Variants in ZNF438 observed in about 807,000 individuals in gnomAD.
The protein encoded by ZNF438 is zinc finger protein 438.
In ZNF438, 25 loss-of-function variants were observed where a neutral mutation model predicts 38.0. The ratio of observed to expected loss-of-function variants is 0.66; its 90% CI spans 0.48 to 0.92. The LOEUF is 0.92. Among genes scored for constraint, ZNF438 ranks in the 40% least tolerant of loss-of-function variants. The probability of loss-of-function intolerance (pLI) is 0.00; values close to 1 mark genes in which losing one functional copy is unlikely to be tolerated. For synonymous variants in ZNF438, 372 were observed against 364.1 expected, an observed-to-expected ratio of 1.02 and a Z score of -0.25; for missense variants, 1,007 against 999.6, an observed-to-expected ratio of 1.01 and a Z score of -0.10.
chr10:30,855,611 C>A (rs563748807), intron 4 of ZNF438, among the ~76,000 whole-genome samples: 154 of 152,242 alleles, frequency 1.0e-3, no homozygotes, highest in African/African-American at 3.5e-3. Flanking sequence ...GACAGCAAGG[C>A]CACAGAAACA....
intron 1 of ZNF438, among the ~76,000 whole-genome samples, chr10:31,029,783 T>G (rs1383666481): frequency 1.3e-5 from 2 of 152,244 alleles, no homozygotes; most frequent in African/African-American, 2.4e-5. Context: ...CCCCACGGCC[T>G]GCCTGGCCCT....
chr10:30,893,499 A>G (rs78642137), intron 3 of ZNF438, among the ~76,000 whole-genome samples: 4 of 152,250 alleles, frequency 2.6e-5, no homozygotes, highest in Non-Finnish European at 5.9e-5. Flanking sequence ...TAATTGAAAA[A>G]GTCAAACCAC....
At chr10:30,959,965 C>T (rs2049290537) in intron 1 of ZNF438, among the ~76,000 whole-genome samples, 2 of 147,036 alleles carry the variant, frequency 1.4e-5, no homozygotes, top group Admixed American at 6.8e-5. Flanking sequence ...TTATTACAGC[C>T]ATCCTAGGGG....
At chr10:30,929,005 T>C (rs2045300999) in intron 2 of ZNF438, among the ~76,000 whole-genome samples, 1 of 152,202 alleles carries the variant, frequency 6.6e-6, no homozygotes. Flanking sequence ...TCAGATTTTA[T>C]GGTTTAAGGT....
chr10:30,911,022 A>G (rs901667317), intron 2 of ZNF438, among the ~76,000 whole-genome samples: 2 of 152,174 alleles, frequency 1.3e-5, no homozygotes, highest in African/African-American at 4.8e-5. Flanking sequence ...TGTTTCGTTT[A>G]TGATTCACAC....
intron 3 of ZNF438, among the ~76,000 whole-genome samples, chr10:30,903,124 G>T (rs536747838): frequency 1.2e-4 from 18 of 152,196 alleles, no homozygotes; most frequent in Non-Finnish European, 2.2e-4. Context: ...CGCCCACCCG[G>T]AACTCTAGCT....
At chr10:30,957,275 T>C (rs570153778) in intron 1 of ZNF438, among the ~76,000 whole-genome samples, 1 of 152,370 alleles carries the variant, frequency 6.6e-6, no homozygotes, top group African/African-American at 2.4e-5. Context: ...TCAGATTCCT[T>C]ACACATTCTG....
intron 1 of ZNF438, among the ~76,000 whole-genome samples, chr10:31,028,857 G>A (rs2057106764): frequency 6.6e-6 from 1 of 152,130 alleles, no homozygotes; most frequent in Non-Finnish European, 1.5e-5. Context: ...AACCTACAGT[G>A]GGGAATACCA....
chr10:30,933,896 C>T (rs1443108597), intron 2 of ZNF438, among the ~76,000 whole-genome samples: 1 of 152,078 alleles, frequency 6.6e-6, no homozygotes, highest in Non-Finnish European at 1.5e-5. Context: ...CCTGTAATCC[C>T]AACACTTTGG....
chr10:31,026,931 T>C (rs1194471175), intron 1 of ZNF438, among the ~76,000 whole-genome samples: 1 of 152,242 alleles, frequency 6.6e-6, no homozygotes, highest in Non-Finnish European at 1.5e-5. Context: ...GATGAGTTCA[T>C]GTCCTTTGTA....
At chr10:30,987,338 A>C (rs544868919) in intron 1 of ZNF438, among the ~76,000 whole-genome samples, 1 of 149,916 alleles carries the variant, frequency 6.7e-6, no homozygotes, top group East Asian at 2.0e-4. Context: ...AAAAAAAACT[A>C]AAATATTTGT....
chr10:30,942,407 T>C (rs1041495283), intron 1 of ZNF438, among the ~76,000 whole-genome samples: 1 of 152,196 alleles, frequency 6.6e-6, no homozygotes, highest in African/African-American at 2.4e-5. Flanking sequence ...AGCAGTGAGA[T>C]CTATTTTGTT....
chr10:30,946,855 C>T (rs1444661973), intron 1 of ZNF438, among the ~76,000 whole-genome samples: 1 of 152,110 alleles, frequency 6.6e-6, no homozygotes, highest in African/African-American at 2.4e-5. Context: ...TTTATCTCCA[C>T]TACTGGCCTA....
chr10:30,856,948 G>A (rs1182705398), intron 4 of ZNF438, among the ~76,000 whole-genome samples: 1 of 152,154 alleles, frequency 6.6e-6, no homozygotes, highest in Non-Finnish European at 1.5e-5. Context: ...CCCTTATTAT[G>A]GTCTAGAATT....
intron 3 of ZNF438, among the ~76,000 whole-genome samples, chr10:30,892,138 C>T (rs2040765236): frequency 7.4e-6 from 1 of 135,872 alleles, no homozygotes; most frequent in African/African-American, 2.6e-5. Flanking sequence ...TAATTCACTG[C>T]TTTTGAAATG....
chr10:30,853,838 T>C (rs1372273772), intron 4 of ZNF438, among the ~76,000 whole-genome samples: 1 of 151,604 alleles, frequency 6.6e-6, no homozygotes. Flanking sequence ...CTACTAAAAA[T>C]ACAAAAATTA....
intron 2 of ZNF438, among the ~76,000 whole-genome samples, chr10:30,915,670 T>C (rs1395415950): frequency 6.6e-6 from 1 of 152,062 alleles, no homozygotes; most frequent in Non-Finnish European, 1.5e-5. Flanking sequence ...TGAAAATGTT[T>C]AGGATTCAAC....
At chr10:30,866,803 C>G (rs2036509369) in intron 4 of ZNF438, among the ~76,000 whole-genome samples, 1 of 150,372 alleles carries the variant, frequency 6.7e-6, no homozygotes, top group African/African-American at 2.5e-5. Context: ...CACTGCACTC[C>G]AGCCTGAGCG....
chr10:31,015,709 A>G (rs1015322838), intron 1 of ZNF438, among the ~76,000 whole-genome samples: 7 of 152,226 alleles, frequency 4.6e-5, no homozygotes, highest in Non-Finnish European at 1.0e-4. Flanking sequence ...AAATGCCAAT[A>G]TACTATCAAC....
Sources: gnomAD v4.1 joint callset for allele counts (sites outside exome capture counted in the v4.1 genomes callset) on GRCh38, gnomAD v4.1.1 for gene constraint, MANE v1.5 for transcripts, NCBI Gene and HGNC (gene_info 2026-07-23, HGNC 2026-07-21) for gene names.